NFIX: variants seen among roughly 807,000 people sequenced by gnomAD.
NFIX encodes the protein nuclear factor 1 X-type.
A neutral mutation model predicts 53.3 loss-of-function variants in NFIX; 2 were observed. The ratio of observed to expected loss-of-function variants is 0.04; its 90% CI spans 0.02 to 0.12. The LOEUF is 0.12. Ranked by LOEUF, NFIX falls within the 10% of genes least tolerant of loss-of-function variation. NFIX has a pLI of 1.00. For missense variants in NFIX, 310 were observed against 674.5 expected, an observed-to-expected ratio of 0.46 and a Z score of 5.99; for synonymous variants, 244 against 289.0, an observed-to-expected ratio of 0.84 and a Z score of 1.58.
chr19:13,047,890 C>A (rs1248772123), intron 2 of NFIX, among the ~76,000 whole-genome samples: 1 of 152,222 alleles, frequency 6.6e-6, no homozygotes, highest in Non-Finnish European at 1.5e-5. Context: ...GCATGCCACC[C>A]TTCCCAGGTC....
rs989409644 is a variant in NFIX, at chr19:13,096,576, G to A, written c.*1927G>A. 6.6e-6 allele frequency: 1 copy of A among 152,222 alleles called. No individual in the cohort carries two copies. The highest frequency in any genetic ancestry group is 1.5e-5 in the Non-Finnish European group (1 of 68,040). The allele number at this position is 152,222 out of a possible 1,614,324, so 9.4% of individuals were successfully genotyped here. A position where few individuals can be genotyped will look rare whatever the true frequency, so the allele number is the denominator to read the frequency against. Reference sequence around the variant, plus strand: ...AGTGGATCCTGCGGGAGTCTCCCGGGGCGTGGGGAGTAAGGCCCCGGGGGT... The same window carrying A: ...AGTGGATCCTGCGGGAGTCTCCCGGAGCGTGGGGAGTAAGGCCCCGGGGGT... On this transcript the variant is annotated 3_prime_UTR_variant, in exon 11 of 11. Coordinates refer to ENST00000592199, the MANE Select transcript of NFIX (RefSeq NM_001365902.3).
rs2016853630 is a variant in NFIX, at chr19:13,072,947, C to T, written c.560-100C>T. ...TGAAGGTTTCTGTAGCCAGGGTGGG[C>T]CGTCCCTGCTCTTGCACCAGGCTGG... On this transcript the variant is annotated intron_variant, in intron 2 of 10. Transcript: ENST00000592199. This position sits in a 1 kb window ranked among gnomAD's most constrained non-coding sequence, Gnocchi z 4.0. The T allele has an allele frequency of 2.6e-6, 3 of 1,162,316 alleles. No homozygotes were observed. The highest frequency in any genetic ancestry group is 3.9e-6 in the Non-Finnish European group (3 of 769,328). The allele number at this position is 1,162,316 out of a possible 1,614,324, so 72.0% of individuals were successfully genotyped here.
rs1333534984 is a variant in NFIX at position 13,028,605 on chromosome 19, C to T, written c.559+3053C>T. ...ATACTAGGTCCAAAAGGCTGCCATG[C>T]GGCTGGCCTTCCTGCTGGGAAGGAG... On this transcript the variant is annotated intron_variant, in intron 2 of 10. Coordinates refer to ENST00000592199, the MANE Select transcript of NFIX (RefSeq NM_001365902.3). This position sits in a 1 kb window ranked among gnomAD's most constrained non-coding sequence, Gnocchi z 4.2. Among the ~76,000 whole-genome samples, 2 of 152,172 alleles carry T rather than the reference C, an allele frequency of 1.3e-5. No individual in the cohort carries two copies. The highest frequency in any genetic ancestry group is 2.1e-4 in the South Asian group (1 of 4,830).
At chr19:13,041,815 T>C (rs1427599483) in intron 2 of NFIX, among the ~76,000 whole-genome samples, 1 of 150,000 alleles carries the variant, frequency 6.7e-6, no homozygotes. Context: ...AAAAAATCAG[T>C]ACCATTGTGT....
Position 13,094,868 on chromosome 19 carries a change from G to C in NFIX, c.*219G>C, listed in dbSNP as rs1599891481. The C allele has an allele frequency of 5.3e-6, 3 of 565,452 alleles. No individual in the cohort carries two copies. The East Asian group carries it at 8.7e-5, about 16-fold the overall frequency. The allele number at this position is 565,452 out of a possible 1,614,324, so 35.0% of individuals were successfully genotyped here. The stretch of plus-strand genomic sequence containing the variant: ...TCAGAGAGCCCTTGGAAGGGGTCTC[G>C]GTGGAGCTGTGCACCAGCAGCCAAG... On this transcript the variant is annotated 3_prime_UTR_variant, in exon 11 of 11. Coordinates refer to ENST00000592199, the MANE Select transcript of NFIX (RefSeq NM_001365902.3). This position sits in a 1 kb window ranked among gnomAD's most constrained non-coding sequence, Gnocchi z 4.3.
At position 13,077,879 on chromosome 19, in the gene NFIX, T is replaced by G. The variant is rs373936074; in HGVS notation, c.956-734T>G. ...AAACAAGGTGTTCTCTGTGCCCTTG[T>G]TTCATGCTGAATGCCACCCACACCT... On this transcript the variant is annotated intron_variant, in intron 6 of 10. Transcript: ENST00000592199. Among the ~76,000 whole-genome samples the G allele has an allele frequency of 1.7e-4, 26 of 152,326 alleles. No individual in the cohort carries two copies. In the South Asian group the frequency reaches 3.3e-3, roughly 19 times the overall value.
chr19:12,995,809 C>T lies in NFIX; in HGVS notation c.-29C>T, dbSNP rs1200490356. 1 of 946,980 alleles carries T rather than the reference C, an allele frequency of 1.1e-6. No homozygotes were observed. The highest frequency in any genetic ancestry group is 4.6e-5 in the South Asian group (1 of 21,508). The allele number at this position is 946,980 out of a possible 1,614,324, so 58.7% of individuals were successfully genotyped here. A position where few individuals can be genotyped will look rare whatever the true frequency, so the allele number is the denominator to read the frequency against. The stretch of plus-strand genomic sequence containing the variant: ...CCGGGCCTCCCCTCGCCGCGGCCGG[C>T]CGCCGCGCTCCCGCCCGGGCGCCCA... On this transcript the variant is annotated 5_prime_UTR_variant, in exon 1 of 11. Coordinates refer to ENST00000592199, the MANE Select transcript of NFIX (RefSeq NM_001365902.3).
At position 13,009,311 on chromosome 19, in the gene NFIX, G is replaced by A. The variant is rs964521731; in HGVS notation, c.27+13447G>A. On this transcript the variant is annotated intron_variant, in intron 1 of 10. Coordinates refer to ENST00000592199, the MANE Select transcript of NFIX (RefSeq NM_001365902.3). The surrounding 1 kb of genome is among the most constrained non-coding windows in gnomAD (Gnocchi z 4.7). ...CAGAGCAATTATGCCTGGGCAGCGGGTGGGTGGGGGGAAGGCGGGCATATG... is the reference window on the plus strand; with the variant it reads ...CAGAGCAATTATGCCTGGGCAGCGGATGGGTGGGGGGAAGGCGGGCATATG... 1.3e-5 allele frequency among the ~76,000 whole-genome samples: 2 copies of A among 152,160 alleles called. No individual in the cohort carries two copies. Among genetic ancestry groups the A allele is most frequent in the African/African-American group, 2.4e-5 (1 of 41,448 alleles).
rs947708275 is a variant in NFIX at position 13,012,757 on chromosome 19, C to T, written c.28-12264C>T. Among the ~76,000 whole-genome samples, 2 of 152,164 alleles carry T rather than the reference C, an allele frequency of 1.3e-5. No individual in the cohort carries two copies. The highest frequency in any genetic ancestry group is 2.9e-5 in the Non-Finnish European group (2 of 68,036). ...CTTGGGAGAGTTTGGGGTTTAACTG[C>T]CCCCAAATCCGAGGACAGCTTGGGG... On this transcript the variant is annotated intron_variant, in intron 1 of 10. Transcript: ENST00000592199. The surrounding 1 kb of genome is among the most constrained non-coding windows in gnomAD (Gnocchi z 5.0).
At chr19:13,044,608 C>A (rs909276573) in intron 2 of NFIX, among the ~76,000 whole-genome samples, 1 of 152,172 alleles carries the variant, frequency 6.6e-6, no homozygotes, top group African/African-American at 2.4e-5. Context: ...GGCCCAACTC[C>A]AACCTGGCCC....
chr19:13,003,912 C>T (rs532217339), intron 1 of NFIX, among the ~76,000 whole-genome samples: 13 of 151,910 alleles, frequency 8.6e-5, no homozygotes, highest in Non-Finnish European at 1.8e-4. Context: ...GTAGCTGGGA[C>T]TACAGCCGAG....
In NFIX at chr19:12,996,176, C is replaced by T. The variant is rs1261406139; in HGVS notation, c.27+312C>T. On this transcript the variant is annotated intron_variant, in intron 1 of 10. Coordinates refer to ENST00000592199, the MANE Select transcript of NFIX (RefSeq NM_001365902.3). This position sits in a 1 kb window ranked among gnomAD's most constrained non-coding sequence, Gnocchi z 5.2. ...GTGTGTGTGTGTGTGTGTGTGCGCG[C>T]TCGACTGGGGTGCGATGGGCAGCGG... Among the ~76,000 whole-genome samples, 1 of 151,670 alleles carries T rather than the reference C, an allele frequency of 6.6e-6. No homozygotes were observed. Among genetic ancestry groups the T allele is most frequent in the Non-Finnish European group, 1.5e-5 (1 of 67,856 alleles).
intron 1 of NFIX, among the ~76,000 whole-genome samples, chr19:13,015,984 A>G (rs2012645504): frequency 6.6e-6 from 1 of 152,210 alleles, no homozygotes. Flanking sequence ...CATATAAATT[A>G]TGAGAACTGT....
rs1012200847 is a variant in NFIX at position 13,006,558 on chromosome 19, G to A, written c.27+10694G>A. 6.6e-6 allele frequency among the ~76,000 whole-genome samples: 1 copy of A among 152,216 alleles called. No homozygotes were observed. Among genetic ancestry groups the A allele is most frequent in the Non-Finnish European group, 1.5e-5 (1 of 68,030 alleles). The stretch of plus-strand genomic sequence containing the variant: ...GGGGATGGGGCAGGGGCAGCTGGTG[G>A]CCCAGAGTGGCACTTCCACCTGGGC... On this transcript the variant is annotated intron_variant, in intron 1 of 10. Transcript: ENST00000592199. The surrounding 1 kb of genome is among the most constrained non-coding windows in gnomAD (Gnocchi z 5.6).
In NFIX at chr19:13,073,684, C is replaced by G. The variant is rs373135596; in HGVS notation, c.697+188C>G. Among the ~76,000 whole-genome samples, 2 of 152,144 alleles carry G rather than the reference C, an allele frequency of 1.3e-5. No individual in the cohort carries two copies. The highest frequency in any genetic ancestry group is 1.9e-4 in the East Asian group (1 of 5,190). The stretch of plus-strand genomic sequence containing the variant: ...TTCCAGAGAGGCCTGTCTCCAGTCT[C>G]CATTGCTTTGGAGGAAAAAGAAAAA... On this transcript the variant is annotated intron_variant, in intron 4 of 10. Transcript: ENST00000592199. The surrounding 1 kb of genome is among the most constrained non-coding windows in gnomAD (Gnocchi z 4.5).
chr19:13,024,921 C>A, intron 1 of NFIX, 100 bp from the exon 2 acceptor site: 2 of 1,487,812 alleles, frequency 1.3e-6, no homozygotes, highest in Non-Finnish European at 1.8e-6. Flanking sequence ...TGTGCCCCCC[C>A]TTCTAACGCT....
chr19:13,085,736 T>G (rs547545807), intron 8 of NFIX, among the ~76,000 whole-genome samples: 1 of 152,262 alleles, frequency 6.6e-6, no homozygotes, highest in South Asian at 2.1e-4. Flanking sequence ...AGGGACAGTG[T>G]GTCAGACCTA....
intron 1 of NFIX, among the ~76,000 whole-genome samples, chr19:13,015,680 C>G (rs2012617148): frequency 6.6e-6 from 1 of 152,200 alleles, no homozygotes; most frequent in Admixed American, 6.5e-5. Flanking sequence ...GTTTGGCTTT[C>G]AGCTCGGCGG....
chr19:13,044,231 C>T lies in NFIX; in HGVS notation c.559+18679C>T, dbSNP rs1359906062. On this transcript the variant is annotated intron_variant, in intron 2 of 10. Coordinates refer to ENST00000592199, the MANE Select transcript of NFIX (RefSeq NM_001365902.3). The stretch of plus-strand genomic sequence containing the variant: ...GTAGGACAGAGGGAGGCGACAGCAT[C>T]GTTTCTCCCCTTTCTTCCTTCAGCT... 9.9e-5 allele frequency among the ~76,000 whole-genome samples: 15 copies of T among 152,264 alleles called. No homozygotes were observed. The East Asian group carries it at 2.5e-3, about 25-fold the overall frequency.
Sources: gnomAD v4.1 joint callset for allele counts (sites outside exome capture counted in the v4.1 genomes callset) on GRCh38, gnomAD v4.1.1 for gene constraint, Gnocchi (gnomAD v3.1) non-coding constraint, MANE v1.5 for transcripts, NCBI Gene and HGNC (gene_info 2026-07-23, HGNC 2026-07-21) for gene names.